Variants in FMN1 observed in about 807,000 individuals in gnomAD.
The protein encoded by FMN1 is formin 1.
Under a neutral mutation model 132.4 loss-of-function variants are expected in FMN1, and 110 were observed. The ratio of observed to expected loss-of-function variants is 0.83; its 90% CI spans 0.71 to 0.97. The LOEUF is 0.97. Ranked by LOEUF, FMN1 falls within the 50% of genes least tolerant of loss-of-function variation. FMN1 has a pLI of 0.00. For missense variants in FMN1, 1,792 were observed against 1,705.3 expected (o/e 1.05, Z -0.90); for synonymous variants, 722 against 651.7 (o/e 1.11, Z -1.64).
chr15:33,116,862 CAG>C (rs2039947927), intron 4 of FMN1, among the ~76,000 whole-genome samples: 1 of 151,996 alleles, frequency 6.6e-6, no homozygotes, highest in African/African-American at 2.4e-5. Context: ...ATGGAAATAA[CAG>C]AGATCTTTCG....
intron 6 of FMN1, among the ~76,000 whole-genome samples, chr15:33,041,126 A>G (rs531100718): frequency 1.6e-5 from 2 of 126,296 alleles, no homozygotes; most frequent in Admixed American, 8.9e-5. Flanking sequence ...TAAAATATAA[A>G]TCACTAAACA....
At chr15:32,812,959 G>A (rs548973083) in intron 17 of FMN1, among the ~76,000 whole-genome samples, 1 of 149,540 alleles carries the variant, frequency 6.7e-6, no homozygotes, top group South Asian at 2.2e-4. Flanking sequence ...TGTGGGTTAT[G>A]GATTCCACCA....
intron 9 of FMN1, among the ~76,000 whole-genome samples, chr15:32,940,338 C>G (rs115504985): frequency 0.011 from 1,711 of 152,020 alleles, 31 homozygotes; most frequent in African/African-American, 0.039. Flanking sequence ...CAGTCCAATT[C>G]AACGGTCCTC....
chr15:32,859,863 T>C (rs760237493), intron 16 of FMN1, among the ~76,000 whole-genome samples: 1 of 152,018 alleles, frequency 6.6e-6, no homozygotes, highest in Non-Finnish European at 1.5e-5. Context: ...CAGTGAGACC[T>C]TGTCTCTCAA....
chr15:33,104,377 A>C (rs980326603), intron 4 of FMN1, among the ~76,000 whole-genome samples: 18 of 152,176 alleles, frequency 1.2e-4, no homozygotes, highest in African/African-American at 4.3e-4. Context: ...ATTTAAAATG[A>C]GTCACAACAG....
intron 7 of FMN1, among the ~76,000 whole-genome samples, chr15:32,981,540 A>ATTATT (rs1555372546): frequency 6.8e-4 from 69 of 101,030 alleles, no homozygotes; most frequent in East Asian, 1.5e-3. Flanking sequence ...TAATAATAAT[A>ATTATT]ATAATTATTA....
intron 16 of FMN1, among the ~76,000 whole-genome samples, chr15:32,869,355 G>A (rs1250398828): frequency 6.6e-6 from 1 of 152,086 alleles, no homozygotes; most frequent in Admixed American, 6.5e-5. Context: ...CAGACATAAG[G>A]GGCTTGCAAT....
At chr15:32,909,093 T>G (rs997928925) in intron 11 of FMN1, among the ~76,000 whole-genome samples, 3 of 152,206 alleles carry the variant, frequency 2.0e-5, no homozygotes, top group African/African-American at 7.2e-5. Context: ...CTTTCTCAAT[T>G]TATCCAACTA....
chr15:32,778,704 G>C (rs1323270780), intron 19 of FMN1, among the ~76,000 whole-genome samples: 1 of 152,108 alleles, frequency 6.6e-6, no homozygotes, highest in African/African-American at 2.4e-5. Flanking sequence ...ATACACTGTT[G>C]ATGTGATTGT....
At chr15:32,790,866 A>G (rs371228603) in intron 19 of FMN1, among the ~76,000 whole-genome samples, 12 of 152,208 alleles carry the variant, frequency 7.9e-5, no homozygotes, top group African/African-American at 2.7e-4. Context: ...AGATACACAT[A>G]AACTGCTAAA....
rs952095364 is a variant in FMN1 at position 33,073,417 on chromosome 15, GA to G, written c.2044-8344del. 2.2e-3 allele frequency among the ~76,000 whole-genome samples: 330 copies of G among 152,080 alleles called. 2 individuals are homozygous for G. Among genetic ancestry groups the G allele is most frequent in the African/African-American group, 7.7e-3 (318 of 41,470 alleles). On this transcript the variant is annotated intron_variant, in intron 5 of 20. Transcript: ENST00000616417. ...CTTAGTAAGGGTAAATAAGAGTGAG[GA>G]AACTATTTCTGCAGGTGAAAAAAAG...
Position 33,150,652 on chromosome 15 carries a change from G to C in FMN1, c.1867+2396C>G, listed in dbSNP as rs1025781100. On this transcript the variant is annotated intron_variant, in intron 4 of 20. Transcript: ENST00000616417. Reference sequence around the variant, plus strand: ...CACTGGTTCCTGGGAATTACTACTTGCCTCTAACATTGAAGAGTCTTCCAA... The same window carrying C: ...CACTGGTTCCTGGGAATTACTACTTCCCTCTAACATTGAAGAGTCTTCCAA... 3.0e-6 allele frequency: 3 copies of C among 985,322 alleles called. No individual in the cohort carries two copies. In the African/African-American group the frequency reaches 5.2e-5, roughly 17 times the overall value. 61.0% of individuals were successfully genotyped at this position (985,322 alleles called of 1,614,324 possible).
At chr15:32,940,514 T>G (rs1248479885) in intron 9 of FMN1, among the ~76,000 whole-genome samples, 1 of 151,870 alleles carries the variant, frequency 6.6e-6, no homozygotes, top group African/African-American at 2.4e-5. Context: ...ATAAGATCAG[T>G]AACTTAAAAG....
intron 5 of FMN1, among the ~76,000 whole-genome samples, chr15:33,069,150 A>G (rs1183583959): frequency 1.3e-5 from 2 of 152,252 alleles, no homozygotes; most frequent in Non-Finnish European, 2.9e-5. Context: ...CAACAAAAAC[A>G]GGACAGACAA....
chr15:33,001,874 C>A (rs1022809202), intron 7 of FMN1, among the ~76,000 whole-genome samples: 2 of 152,064 alleles, frequency 1.3e-5, no homozygotes, highest in Admixed American at 1.3e-4. Flanking sequence ...ATGCTGGCTG[C>A]AGAGCACACA....
At chr15:33,190,853 C>T (rs1595620273) in intron 2 of FMN1, among the ~76,000 whole-genome samples, 2 of 152,240 alleles carry the variant, frequency 1.3e-5, no homozygotes, top group East Asian at 3.9e-4. Flanking sequence ...ATGCCCAGAT[C>T]CTGATGACAA....
chr15:32,780,821 G>A (rs963182056), intron 19 of FMN1, among the ~76,000 whole-genome samples: 26 of 152,190 alleles, frequency 1.7e-4, no homozygotes, highest in Non-Finnish European at 3.2e-4. Flanking sequence ...CAGAATAAAT[G>A]TAAGCTGCTA....
At chr15:32,901,852 C>A in intron 13 of FMN1, 59 bp downstream of exon 13, 1 of 1,474,346 alleles carries the variant, frequency 6.8e-7, no homozygotes, top group South Asian at 1.4e-5. Flanking sequence ...GTGGTCTCTC[C>A]CACTTTCTTC....
At chr15:33,193,830 G>C (rs1360725540) in intron 2 of FMN1, 79 bp downstream of exon 2, 2 of 152,092 alleles carry the variant, frequency 1.3e-5, no homozygotes, top group African/African-American at 4.8e-5. Flanking sequence ...ATGAGGGCTT[G>C]GCTCTGGCCT....
Sources: gnomAD v4.1 joint callset for allele counts (sites outside exome capture counted in the v4.1 genomes callset) on GRCh38, gnomAD v4.1.1 for gene constraint, MANE v1.5 for transcripts, NCBI Gene and HGNC (gene_info 2026-07-23, HGNC 2026-07-21) for gene names.